The following SDCCAG8 variants were observed in gnomAD, a reference collection of about 807,000 sequenced individuals.
The protein encoded by SDCCAG8 is SHH signaling and ciliogenesis regulator SDCCAG8, also known as serologically defined colon cancer antigen 8.
In SDCCAG8, 74 loss-of-function variants were observed where a neutral mutation model predicts 101.8. That is an observed-to-expected ratio of 0.73 (90% confidence interval 0.60 to 0.88). The LOEUF (loss-of-function observed/expected upper bound fraction) is 0.88. SDCCAG8 is among the 40% of genes least tolerant of loss of function. The pLI is 0.00. For missense variants in SDCCAG8, 787 were observed against 822.6 expected, an observed-to-expected ratio of 0.96 and a Z score of 0.53; for synonymous variants, 281 against 292.9, an observed-to-expected ratio of 0.96 and a Z score of 0.41.
intron 17 of SDCCAG8, among the ~76,000 whole-genome samples, chr1:243,494,710 A>G (rs1196290135): frequency 6.6e-6 from 1 of 152,256 alleles, no homozygotes; most frequent in Non-Finnish European, 1.5e-5. Flanking sequence ...TGAATTTTAT[A>G]TTCCTTCAGA....
chr1:243,304,660 T>G, intron 6 of SDCCAG8, 53 bp from the exon 7 acceptor site: 1 of 957,396 alleles, frequency 1.0e-6, no homozygotes, highest in Non-Finnish European at 1.6e-6. Flanking sequence ...TAAAGTTTAC[T>G]TATAAAATAC....
At chr1:243,294,777 A>G (rs2070704054) in intron 6 of SDCCAG8, among the ~76,000 whole-genome samples, 1 of 149,490 alleles carries the variant, frequency 6.7e-6, no homozygotes, top group Non-Finnish European at 1.5e-5. Context: ...ACTAAATAAT[A>G]CTTTTCAATC....
At chr1:243,379,537 G>T (rs1184988476) in intron 13 of SDCCAG8, among the ~76,000 whole-genome samples, 1 of 151,846 alleles carries the variant, frequency 6.6e-6, no homozygotes, top group Non-Finnish European at 1.5e-5. Context: ...TGCTGCATTG[G>T]AAAAAAACAT....
chr1:243,352,166 A>G (rs996560020), intron 12 of SDCCAG8, among the ~76,000 whole-genome samples: 1 of 152,264 alleles, frequency 6.6e-6, no homozygotes, highest in Non-Finnish European at 1.5e-5. Flanking sequence ...GTATAAGCAG[A>G]GACAACACAT....
chr1:243,293,315 A>T (rs2070455907), intron 6 of SDCCAG8, 96 bp downstream of exon 6: 10 of 1,238,136 alleles, frequency 8.1e-6, no homozygotes, highest in Non-Finnish European at 1.0e-5. Flanking sequence ...AACAAAATTT[A>T]CCATTATAAC....
chr1:243,468,642 A>G (rs995302404), intron 16 of SDCCAG8, among the ~76,000 whole-genome samples: 1 of 152,218 alleles, frequency 6.6e-6, no homozygotes. Flanking sequence ...AGCTGTGATC[A>G]TGCCAGTGCA....
Position 243,256,048 on chromosome 1 carries a change from G to T in SDCCAG8, c.-126G>T. ...CCAAGAGCTCTGTGCGGGATTCTAG[G>T]CTCCCCTGTGACAGCCGCGGCAGGA... On this transcript the variant is annotated 5_prime_UTR_variant, in exon 1 of 18. Coordinates refer to ENST00000366541, the MANE Select transcript of SDCCAG8 (RefSeq NM_006642.5). 1 of 871,264 alleles carries T rather than the reference G, an allele frequency of 1.1e-6. No individual in the cohort carries two copies. Among genetic ancestry groups the T allele is most frequent in the Non-Finnish European group, 2.0e-6 (1 of 504,990 alleles). 54.0% of individuals were successfully genotyped at this position (871,264 alleles called of 1,614,324 possible).
intron 16 of SDCCAG8, among the ~76,000 whole-genome samples, chr1:243,473,482 A>G (rs1247959452): frequency 1.3e-5 from 2 of 152,164 alleles, no homozygotes; most frequent in Admixed American, 1.3e-4. Flanking sequence ...CCAGCGCCAC[A>G]TGCACTGTCT....
At chr1:243,271,742 C>A (rs2068103446) in intron 3 of SDCCAG8, among the ~76,000 whole-genome samples, 1 of 152,002 alleles carries the variant, frequency 6.6e-6, no homozygotes, top group African/African-American at 2.4e-5. Context: ...TGGGGTTTCA[C>A]CATATTGGCT....
chr1:243,412,596 C>T (rs2080260831), intron 13 of SDCCAG8, among the ~76,000 whole-genome samples: 1 of 147,862 alleles, frequency 6.8e-6, no homozygotes. Flanking sequence ...TTTTCTTTTC[C>T]TTTTTTTTTT....
At chr1:243,331,676 A>T (rs1438293469) in intron 10 of SDCCAG8, among the ~76,000 whole-genome samples, 2 of 152,158 alleles carry the variant, frequency 1.3e-5, no homozygotes, top group Non-Finnish European at 2.9e-5. Context: ...CTCTGCTGGT[A>T]AAAATCACAC....
intron 12 of SDCCAG8, among the ~76,000 whole-genome samples, chr1:243,372,498 G>T (rs1301989664): frequency 6.6e-6 from 1 of 151,970 alleles, no homozygotes; most frequent in Non-Finnish European, 1.5e-5. Context: ...TTTCAAATAG[G>T]TTTTGCATTC....
At chr1:243,327,644 C>T (rs986745609) in intron 9 of SDCCAG8, among the ~76,000 whole-genome samples, 3 of 151,952 alleles carry the variant, frequency 2.0e-5, no homozygotes, top group East Asian at 1.9e-4. Flanking sequence ...GGTACTCAAT[C>T]GACAGGGATT....
intron 5 of SDCCAG8, among the ~76,000 whole-genome samples, chr1:243,288,445 AAC>A (rs1228653320): frequency 6.6e-6 from 1 of 152,016 alleles, no homozygotes; most frequent in East Asian, 1.9e-4. Context: ...CAGCCTGGGC[AAC>A]AGAGTGAGAC....
intron 17 of SDCCAG8, among the ~76,000 whole-genome samples, chr1:243,496,354 C>T (rs1309263802): frequency 6.6e-6 from 1 of 152,198 alleles, no homozygotes; most frequent in African/African-American, 2.4e-5. Context: ...AGGCGAGCCA[C>T]CAAGCGAGGC....
intron 16 of SDCCAG8, among the ~76,000 whole-genome samples, chr1:243,435,284 G>A (rs2082058067): frequency 6.6e-6 from 1 of 152,148 alleles, no homozygotes; most frequent in South Asian, 2.1e-4. Flanking sequence ...AGCTCCATGG[G>A]CTAATTCCTT....
intron 3 of SDCCAG8, among the ~76,000 whole-genome samples, chr1:243,271,897 T>G (rs1004117563): frequency 2.0e-5 from 3 of 152,226 alleles, no homozygotes; most frequent in Non-Finnish European, 4.4e-5. Context: ...TATATGGTTA[T>G]AAAATAGTAT....
intron 10 of SDCCAG8, among the ~76,000 whole-genome samples, chr1:243,330,922 A>G (rs1417056696): frequency 1.3e-5 from 2 of 152,246 alleles, no homozygotes; most frequent in Non-Finnish European, 2.9e-5. Context: ...TAGATTCCAT[A>G]CAATGAAATT....
At chr1:243,447,911 A>C (rs1190251147) in intron 16 of SDCCAG8, among the ~76,000 whole-genome samples, 1 of 152,222 alleles carries the variant, frequency 6.6e-6, no homozygotes, top group Non-Finnish European at 1.5e-5. Flanking sequence ...CAAACTAAGC[A>C]TGTAAATGGC....
Sources: gnomAD v4.1 joint callset for allele counts (sites outside exome capture counted in the v4.1 genomes callset) on GRCh38, gnomAD v4.1.1 for gene constraint, MANE v1.5 for transcripts, NCBI Gene and HGNC (gene_info 2026-07-23, HGNC 2026-07-21) for gene names.